Variants in OR1L8 observed in about 807,000 individuals in gnomAD.
OR1L8 encodes the protein olfactory receptor 1L8.
For missense variants in OR1L8, 330 were observed against 377.4 expected (o/e 0.87, Z 1.04); for synonymous variants, 148 against 147.0 (o/e 1.01, Z -0.05).
the OR1L8 span, chr9:122,554,016 TA>T: frequency 6.2e-7 from 1 of 1,613,882 alleles, no homozygotes; most frequent in Non-Finnish European, 8.5e-7. Context: ...TCCATCAACT[TA>T]CTCTACAGAG....
chr9:122,556,397 T>TGG, the OR1L8 span, among the ~76,000 whole-genome samples: 99 of 152,244 alleles, frequency 6.5e-4, no homozygotes, highest in African/African-American at 2.3e-3. Flanking sequence ...TCTACTTATG[T>TGG]GGGTCTATTT....
At chr9:122,547,505 G>C in the OR1L8 span, among the ~76,000 whole-genome samples, 2 of 152,008 alleles carry the variant, frequency 1.3e-5, no homozygotes, top group Admixed American at 6.6e-5. Context: ...TACTCATTAA[G>C]CAATTTCTCA....
chr9:122,561,935 T>A, the OR1L8 span, among the ~76,000 whole-genome samples: 1 of 152,156 alleles, frequency 6.6e-6, no homozygotes, highest in African/African-American at 2.4e-5. Flanking sequence ...GAACTAGCAG[T>A]AGGAAAAACT....
chr9:122,571,630 C>T (rs896922261), intron 4 of OR1L8, among the ~76,000 whole-genome samples: 2 of 149,954 alleles, frequency 1.3e-5, no homozygotes, highest in East Asian at 1.9e-4. Context: ...GCAGAAGAAT[C>T]GCTTGAACCC....
At chr9:122,548,871 TTC>T in the OR1L8 span, among the ~76,000 whole-genome samples, 2 of 151,744 alleles carry the variant, frequency 1.3e-5, no homozygotes, top group African/African-American at 4.8e-5. Context: ...AACATTAGTC[TTC>T]TGTCAGATGC....
At chr9:122,556,522 T>A in the OR1L8 span, among the ~76,000 whole-genome samples, 3 of 152,052 alleles carry the variant, frequency 2.0e-5, no homozygotes, top group Middle Eastern at 3.4e-3. Flanking sequence ...TGTTGGGGGT[T>A]AGGGGACAAG....
At chr9:122,564,652 G>A (rs1829402327), downstream of OR1L8, among the ~76,000 whole-genome samples, 2 of 152,316 alleles carry the variant, frequency 1.3e-5, no homozygotes, top group South Asian at 4.1e-4. Flanking sequence ...TCACCAAGCA[G>A]TGACTCCAAT....
In OR1L8 at chr9:122,571,609, G is replaced by A. The variant is rs192558564; in HGVS notation, c.-213+1171C>T. ...GGCGCACCTGTAGTCCCAGCTACTCGGGAGGCTGAGGCAGAAGAATCGCTT... is the reference window on the plus strand; with the variant it reads ...GGCGCACCTGTAGTCCCAGCTACTCAGGAGGCTGAGGCAGAAGAATCGCTT... On this transcript the variant is annotated intron_variant, in intron 4 of 4. Transcript: ENST00000641027. Among the ~76,000 whole-genome samples the A allele has an allele frequency of 1.5e-4, 23 of 151,736 alleles. No homozygotes were observed. In the East Asian group the frequency reaches 3.1e-3, roughly 21 times the overall value.
At chr9:122,547,620 AGTGT>A in the OR1L8 span, among the ~76,000 whole-genome samples, 5,752 of 142,918 alleles carry the variant, frequency 0.04, 113 homozygotes, top group African/African-American at 0.046. Context: ...GTAGTAGTTC[AGTGT>A]GTGTGTGTGT....
the OR1L8 span, among the ~76,000 whole-genome samples, chr9:122,548,332 C>T: frequency 2.0e-5 from 3 of 152,056 alleles, no homozygotes; most frequent in Admixed American, 2.0e-4. Flanking sequence ...TATACATTTC[C>T]CTTAATCTCA....
downstream of OR1L8, chr9:122,567,046 C>T (rs1456691427): frequency 2.0e-5 from 3 of 152,022 alleles, no homozygotes; most frequent in African/African-American, 7.2e-5. Context: ...AGCAATAAAA[C>T]ATTTTTAGAA....
intron 4 of OR1L8, among the ~76,000 whole-genome samples, chr9:122,572,125 AACTC>A (rs1489046024): frequency 4.6e-5 from 7 of 152,230 alleles, no homozygotes; most frequent in African/African-American, 1.2e-4. Flanking sequence ...ATCTTGTGAA[AACTC>A]ACTCACTAAC....
chr9:122,563,729 T>C (rs2118700545), downstream of OR1L8, among the ~76,000 whole-genome samples: 1 of 152,246 alleles, frequency 6.6e-6, no homozygotes. Context: ...CTTTGTCTAG[T>C]ATTTTCATAG....
chr9:122,563,061 G>A (rs1829377055), downstream of OR1L8, among the ~76,000 whole-genome samples: 2 of 152,076 alleles, frequency 1.3e-5, no homozygotes, highest in South Asian at 4.2e-4. Flanking sequence ...GGATCATATG[G>A]TAGATATATT....
intron 1 of OR1L8, among the ~76,000 whole-genome samples, chr9:122,582,464 C>A (rs1464335566): frequency 6.6e-6 from 1 of 151,980 alleles, no homozygotes; most frequent in African/African-American, 2.4e-5. Context: ...GCTTATAATC[C>A]CAGCACTCTG....
At chr9:122,550,039 C>G in the OR1L8 span, among the ~76,000 whole-genome samples, 28,616 of 149,386 alleles carry the variant, frequency 0.19, 2,978 homozygotes, top group East Asian at 0.34. Context: ...TTTCTTTCTT[C>G]AGTGTTTTGT....
chr9:122,555,155 C>T, the OR1L8 span, among the ~76,000 whole-genome samples: 1 of 152,154 alleles, frequency 6.6e-6, no homozygotes, highest in Non-Finnish European at 1.5e-5. Context: ...GCAGTGATAA[C>T]TCACAGAGAA....
downstream of OR1L8, among the ~76,000 whole-genome samples, chr9:122,566,370 T>G (rs1164667691): frequency 6.6e-6 from 1 of 152,202 alleles, no homozygotes; most frequent in South Asian, 2.1e-4. Flanking sequence ...GAGGAAATAT[T>G]CTCCCTCCAT....
chr9:122,549,544 T>C, the OR1L8 span, among the ~76,000 whole-genome samples: 1 of 152,202 alleles, frequency 6.6e-6, no homozygotes, highest in African/African-American at 2.4e-5. Context: ...TTGTATATGG[T>C]GAGAAATATG....
Sources: allele counts gnomAD v4.1 joint callset (sites outside exome capture counted in the v4.1 genomes callset), GRCh38; gene constraint gnomAD v4.1.1; transcripts MANE v1.5; gene names NCBI Gene and HGNC (gene_info 2026-07-23, HGNC 2026-07-21).